The following GNA12 variants were observed in gnomAD, a reference collection of about 807,000 sequenced individuals.
GNA12 encodes the protein guanine nucleotide-binding protein subunit alpha-12.
In GNA12, 9 loss-of-function variants were observed where a neutral mutation model predicts 26.0. That is an observed-to-expected ratio of 0.35 (90% CI 0.21 to 0.60). GNA12 has a LOEUF of 0.60. Among genes scored for constraint, GNA12 ranks in the 20% least tolerant of loss-of-function variants. GNA12 has a pLI of 0.78. For missense variants in GNA12, 405 were observed against 525.8 expected (o/e 0.77, Z 2.25); for synonymous variants, 264 against 219.6 (o/e 1.20, Z -1.79).
chr7:2,843,066 G>A (rs1027453900), intron 1 of GNA12, among the ~76,000 whole-genome samples: 1 of 152,238 alleles, frequency 6.6e-6, no homozygotes, highest in South Asian at 2.1e-4. Flanking sequence ...GTGGGAGGAT[G>A]GCTTGAGACC....
intron 1 of GNA12, among the ~76,000 whole-genome samples, chr7:2,828,868 C>T (rs973246811): frequency 2.0e-5 from 3 of 152,096 alleles, no homozygotes; most frequent in African/African-American, 7.2e-5. Context: ...CCAGCCTGGG[C>T]AACATGGCAA....
intron 1 of GNA12, among the ~76,000 whole-genome samples, chr7:2,815,624 C>A (rs942511306): frequency 1.3e-5 from 2 of 152,206 alleles, no homozygotes; most frequent in African/African-American, 4.8e-5. Context: ...TGCTGCCTTG[C>A]CCATTTCTTT....
chr7:2,835,125 C>T (rs760613848), intron 1 of GNA12, among the ~76,000 whole-genome samples: 3 of 152,154 alleles, frequency 2.0e-5, no homozygotes, highest in South Asian at 4.1e-4. Flanking sequence ...CCACTTCTAA[C>T]TGGATGTGAA....
At chr7:2,836,687 G>T (rs1056987441) in intron 1 of GNA12, among the ~76,000 whole-genome samples, 18 of 152,116 alleles carry the variant, frequency 1.2e-4, no homozygotes, top group Admixed American at 3.3e-4. Context: ...ACTTTGGGAG[G>T]CCGAGGCGGG....
intron 1 of GNA12, chr7:2,814,432 A>C: frequency 3.7e-6 from 4 of 1,072,954 alleles, no homozygotes; most frequent in Non-Finnish European, 5.8e-6. Context: ...TGAATTAAAG[A>C]CAATTAGAGA....
chr7:2,738,199 G>C (rs1433154572), intron 2 of GNA12, among the ~76,000 whole-genome samples: 1 of 152,044 alleles, frequency 6.6e-6, no homozygotes, highest in Non-Finnish European at 1.5e-5. Context: ...GCAATCACTT[G>C]AGGTCAGGAG....
At chr7:2,762,935 C>T in intron 2 of GNA12, 1 of 1,397,726 alleles carries the variant, frequency 7.2e-7, no homozygotes, top group South Asian at 1.7e-5. Flanking sequence ...ACGCCCCAGA[C>T]ACTCCCGTGG....
chr7:2,748,475 G>A (rs1790873290), intron 2 of GNA12, among the ~76,000 whole-genome samples: 1 of 152,046 alleles, frequency 6.6e-6, no homozygotes, highest in Non-Finnish European at 1.5e-5. Flanking sequence ...AGCTGAAACT[G>A]GATCCCTTCC....
At chr7:2,739,421 T>C (rs1790384382) in intron 2 of GNA12, among the ~76,000 whole-genome samples, 2 of 152,204 alleles carry the variant, frequency 1.3e-5, no homozygotes, top group Admixed American at 6.5e-5. Flanking sequence ...TGGTGCGGCA[T>C]TTCCGAGGCT....
At chr7:2,774,625 T>C (rs1011478205) in intron 2 of GNA12, among the ~76,000 whole-genome samples, 1 of 152,172 alleles carries the variant, frequency 6.6e-6, no homozygotes, top group African/African-American at 2.4e-5. Context: ...TTTAATGATA[T>C]AAGGGTCAAA....
intron 1 of GNA12, among the ~76,000 whole-genome samples, chr7:2,840,680 G>C (rs1778965895): frequency 1.3e-5 from 2 of 152,042 alleles, no homozygotes; most frequent in Non-Finnish European, 1.5e-5. Flanking sequence ...GCAACATAGT[G>C]AGACCCCATC....
chr7:2,833,185 G>A (rs555997220), intron 1 of GNA12, among the ~76,000 whole-genome samples: 18 of 152,262 alleles, frequency 1.2e-4, no homozygotes, highest in Admixed American at 6.5e-4. Context: ...TAATAGTTAC[G>A]GCATGAAATG....
intron 2 of GNA12, among the ~76,000 whole-genome samples, chr7:2,744,606 G>C (rs1583225169): frequency 1.3e-5 from 2 of 152,152 alleles, no homozygotes; most frequent in South Asian, 4.1e-4. Context: ...CTAAAAATCA[G>C]AGCACCTCTC....
intron 1 of GNA12, among the ~76,000 whole-genome samples, chr7:2,843,340 C>T (rs1779057959): frequency 6.6e-6 from 1 of 152,096 alleles, no homozygotes; most frequent in Admixed American, 6.6e-5. Context: ...GGTCCCCAGG[C>T]ACCCTAGAGA....
Position 2,737,735 on chromosome 7 carries a change from A to C in GNA12, c.526-4234T>G, listed in dbSNP as rs574765969. ...CTCACTTCAACGTGACAAATTACAA[A>C]GACAAATTTTAAAACTGCTGTGTAT... On this transcript the variant is annotated intron_variant, in intron 2 of 3. Transcript: ENST00000275364. 3.2e-4 allele frequency among the ~76,000 whole-genome samples: 49 copies of C among 152,374 alleles called. No individual in the cohort carries two copies. In the East Asian group the frequency reaches 8.3e-3, roughly 26 times the overall value.
chr7:2,839,729 C>T (rs113513800), intron 1 of GNA12, among the ~76,000 whole-genome samples: 3,293 of 152,104 alleles, frequency 0.022, 129 homozygotes, highest in African/African-American at 0.075. Context: ...AGAACAGAGG[C>T]GGGGCACGGC....
intron 2 of GNA12, among the ~76,000 whole-genome samples, chr7:2,767,257 C>T (rs1562417624): frequency 1.3e-5 from 2 of 152,302 alleles, no homozygotes; most frequent in Non-Finnish European, 2.9e-5. Context: ...TCCCATTGGT[C>T]TATGTTTTCT....
chr7:2,759,167 AT>A (rs1791441035), intron 2 of GNA12, among the ~76,000 whole-genome samples: 2 of 149,970 alleles, frequency 1.3e-5, no homozygotes, highest in Non-Finnish European at 3.0e-5. Flanking sequence ...AAATAAATAA[AT>A]AAATAAATAA....
At chr7:2,753,127 C>T (rs913261827) in intron 2 of GNA12, among the ~76,000 whole-genome samples, 3 of 151,610 alleles carry the variant, frequency 2.0e-5, no homozygotes, top group African/African-American at 7.3e-5. Context: ...CTAGAGTGTA[C>T]TTAAAGTGAA....
Sources: allele counts gnomAD v4.1 joint callset (sites outside exome capture counted in the v4.1 genomes callset), GRCh38; gene constraint gnomAD v4.1.1; transcripts MANE v1.5; gene names NCBI Gene and HGNC (gene_info 2026-07-23, HGNC 2026-07-21).